XKR6: variants seen among roughly 807,000 people sequenced by gnomAD.
XKR6 encodes the protein XK related 6.
In XKR6, 22 loss-of-function variants were observed where a neutral mutation model predicts 56.7. The ratio of observed to expected loss-of-function variants is 0.39; its 90% CI spans 0.28 to 0.55. The LOEUF is 0.55. Ranked by LOEUF, XKR6 falls within the 20% of genes least tolerant of loss-of-function variation. The pLI is 0.66. For missense variants in XKR6, 852 were observed against 889.0 expected (o/e 0.96, Z 0.53); for synonymous variants, 524 against 387.8 (o/e 1.35, Z -4.13).
Position 11,119,649 on chromosome 8 carries a change from T to C in XKR6, c.764+80927A>G, listed in dbSNP as rs1799351357. Among the ~76,000 whole-genome samples the C allele has an allele frequency of 3.3e-5, 5 of 152,306 alleles. No individual in the cohort carries two copies. In the South Asian group the frequency reaches 1.0e-3, roughly 32 times the overall value. On this transcript the variant is annotated intron_variant, in intron 1 of 2. Coordinates refer to ENST00000416569, the MANE Select transcript of XKR6 (RefSeq NM_173683.4). ...CAAACCCTGCCTTTTTTTTGTTTTC[T>C]ATTTACTTGGTAGATCTTCCTCCAT...
chr8:11,054,027 C>G (rs1245845318), intron 1 of XKR6, among the ~76,000 whole-genome samples: 1 of 152,100 alleles, frequency 6.6e-6, no homozygotes, highest in Non-Finnish European at 1.5e-5. Flanking sequence ...TTTATATTTC[C>G]TCTAACATTA....
At chr8:11,185,975 T>C (rs547373773) in intron 1 of XKR6, among the ~76,000 whole-genome samples, 110 of 152,326 alleles carry the variant, frequency 7.2e-4, no homozygotes, top group African/African-American at 2.6e-3. Context: ...TGTACCACCC[T>C]CAGACTAAGA....
chr8:11,067,959 G>C (rs1563115404), intron 1 of XKR6, among the ~76,000 whole-genome samples: 1 of 152,260 alleles, frequency 6.6e-6, no homozygotes, highest in Admixed American at 6.5e-5. Flanking sequence ...TCTGCATAGT[G>C]AGTGAATGTG....
At chr8:10,999,095 C>G (rs193002603) in intron 1 of XKR6, among the ~76,000 whole-genome samples, 47 of 152,334 alleles carry the variant, frequency 3.1e-4, no homozygotes, top group Admixed American at 1.2e-3. Flanking sequence ...TCTTCTCCCT[C>G]CTAGGTCTAG....
intron 2 of XKR6, among the ~76,000 whole-genome samples, chr8:10,900,481 T>C (rs925422637): frequency 6.6e-6 from 1 of 152,188 alleles, no homozygotes; most frequent in Non-Finnish European, 1.5e-5. Context: ...CAGAACAGTA[T>C]GGTGCAATAA....
At chr8:10,952,660 T>C (rs769575995) in intron 1 of XKR6, among the ~76,000 whole-genome samples, 4 of 152,300 alleles carry the variant, frequency 2.6e-5, no homozygotes, top group Non-Finnish European at 5.9e-5. Flanking sequence ...ACAGTTTGAA[T>C]GTGTATCCTT....
chr8:11,058,075 C>T (rs1432119577), intron 1 of XKR6, among the ~76,000 whole-genome samples: 1 of 152,198 alleles, frequency 6.6e-6, no homozygotes, highest in East Asian at 1.9e-4. Flanking sequence ...CTAGAATATT[C>T]GAGGACTAAA....
At chr8:11,144,264 T>C (rs941500677) in intron 1 of XKR6, among the ~76,000 whole-genome samples, 5 of 105,586 alleles carry the variant, frequency 4.7e-5, no homozygotes, top group Non-Finnish European at 9.2e-5. Flanking sequence ...GTATCTAAAG[T>C]AGGCTTCACA....
chr8:10,902,222 T>C (rs1317430504), intron 2 of XKR6, among the ~76,000 whole-genome samples: 2 of 152,238 alleles, frequency 1.3e-5, no homozygotes, highest in Non-Finnish European at 2.9e-5. Context: ...CATGGAAGAC[T>C]GTGATTCCAG....
chr8:11,061,974 G>A lies in XKR6; in HGVS notation c.765-137144C>T, dbSNP rs577338970. On this transcript the variant is annotated intron_variant, in intron 1 of 2. Transcript: ENST00000416569. Reference sequence around the variant, plus strand: ...GCCCTGCTCCTCCCTCCAAAGAGAAGGCAAGAATTCTAACAGGGTGAAACC... The same window carrying A: ...GCCCTGCTCCTCCCTCCAAAGAGAAAGCAAGAATTCTAACAGGGTGAAACC... Among the ~76,000 whole-genome samples, 58 of 152,322 alleles carry A rather than the reference G, an allele frequency of 3.8e-4. 1 individual carries two copies. The highest frequency in any genetic ancestry group is 1.2e-3 in the African/African-American group (50 of 41,570).
chr8:11,062,909 C>T (rs1037949159), intron 1 of XKR6: 2 of 454,166 alleles, frequency 4.4e-6, no homozygotes, highest in African/African-American at 4.0e-5. Context: ...AATTCCCCCA[C>T]AGGTAATTCT....
At chr8:10,948,127 T>G (rs1177662872) in intron 1 of XKR6, among the ~76,000 whole-genome samples, 1 of 152,168 alleles carries the variant, frequency 6.6e-6, no homozygotes, top group Non-Finnish European at 1.5e-5. Context: ...AATATCTCAC[T>G]GGTTCCTCGC....
At chr8:11,121,421 AAC>A in intron 1 of XKR6, among the ~76,000 whole-genome samples, 1 of 152,354 alleles carries the variant, frequency 6.6e-6, no homozygotes, top group East Asian at 1.9e-4. Context: ...GCAGCCAAAA[AAC>A]ACATGAAAAA....
At chr8:11,053,186 G>A (rs925392578) in intron 1 of XKR6, among the ~76,000 whole-genome samples, 2 of 152,250 alleles carry the variant, frequency 1.3e-5, no homozygotes, top group African/African-American at 4.8e-5. Flanking sequence ...ATGTGCCATT[G>A]TGGAGGAATC....
chr8:11,190,564 G>C (rs1315110778), intron 1 of XKR6, among the ~76,000 whole-genome samples: 1 of 152,176 alleles, frequency 6.6e-6, no homozygotes, highest in Non-Finnish European at 1.5e-5. Flanking sequence ...TGATTCATCA[G>C]CAGTTACAAT....
intron 1 of XKR6, among the ~76,000 whole-genome samples, chr8:11,112,396 A>T (rs746065103): frequency 1.3e-5 from 2 of 152,204 alleles, no homozygotes; most frequent in Non-Finnish European, 2.9e-5. Flanking sequence ...AACCACAAAG[A>T]GGTAGGCCTT....
chr8:11,134,373 A>C (rs1259792790), intron 1 of XKR6, among the ~76,000 whole-genome samples: 1 of 152,152 alleles, frequency 6.6e-6, no homozygotes. Flanking sequence ...AAATATCTGA[A>C]ACTAATAAGT....
intron 2 of XKR6, among the ~76,000 whole-genome samples, chr8:10,915,716 GA>G (rs1183552281): frequency 2.0e-5 from 3 of 152,176 alleles, no homozygotes; most frequent in Non-Finnish European, 4.4e-5. Context: ...GCTAGAGCAG[GA>G]CTTGCTATAG....
chr8:10,974,015 C>T (rs767648507), intron 1 of XKR6, among the ~76,000 whole-genome samples: 7 of 152,322 alleles, frequency 4.6e-5, no homozygotes, highest in Middle Eastern at 3.4e-3. Context: ...TCCAGAGAGG[C>T]TAAGCCATTT....
Sources: allele counts gnomAD v4.1 joint callset (sites outside exome capture counted in the v4.1 genomes callset), GRCh38; gene constraint gnomAD v4.1.1; transcripts MANE v1.5; gene names NCBI Gene and HGNC (gene_info 2026-07-23, HGNC 2026-07-21).